WWOX: variants seen among roughly 807,000 people sequenced by gnomAD.
WWOX encodes WW domain-containing oxidoreductase.
WWOX carries 69 observed loss-of-function variants against 46.2 expected under a neutral mutation model. That is an observed-to-expected ratio of 1.49 (90% CI 1.23 to 1.82). The LOEUF is 1.82. Among genes scored for constraint, WWOX ranks in the 40% most tolerant of loss-of-function variants. The probability of loss-of-function intolerance (pLI) is 0.00; values close to 1 mark genes in which losing one functional copy is unlikely to be tolerated. For missense variants in WWOX, 919 were observed against 542.6 expected (o/e 1.69, Z -6.89); for synonymous variants, 359 against 202.6 (o/e 1.77, Z -6.56).
chr16:78,222,416 C>G (rs557755159), intron 5 of WWOX, among the ~76,000 whole-genome samples: 1 of 151,638 alleles, frequency 6.6e-6, no homozygotes, highest in South Asian at 2.1e-4. Flanking sequence ...GTGCCCACAG[C>G]CTTTCATGTC....
chr16:78,729,427 T>C (rs1695146717), intron 8 of WWOX, among the ~76,000 whole-genome samples: 1 of 152,024 alleles, frequency 6.6e-6, no homozygotes, highest in African/African-American at 2.4e-5. Context: ...ATGCCCTTAC[T>C]TGGAAAAAGT....
chr16:78,947,249 A>T (rs948409346), intron 8 of WWOX, among the ~76,000 whole-genome samples: 1 of 152,160 alleles, frequency 6.6e-6, no homozygotes, highest in Non-Finnish European at 1.5e-5. Context: ...GCTAAATGTT[A>T]TATTTTCTCA....
At chr16:78,494,759 A>G (rs945050969) in intron 8 of WWOX, among the ~76,000 whole-genome samples, 2 of 152,132 alleles carry the variant, frequency 1.3e-5, no homozygotes, top group African/African-American at 2.4e-5. Context: ...CGTTTTGTCA[A>G]TTAGCTCCTC....
intron 8 of WWOX, among the ~76,000 whole-genome samples, chr16:78,791,896 C>A (rs565379612): frequency 6.6e-6 from 1 of 152,078 alleles, no homozygotes; most frequent in Non-Finnish European, 1.5e-5. Flanking sequence ...ACAACAACAA[C>A]AACAACAAAC....
intron 8 of WWOX, among the ~76,000 whole-genome samples, chr16:78,922,808 G>C (rs2045409316): frequency 6.6e-6 from 1 of 152,170 alleles, no homozygotes; most frequent in African/African-American, 2.4e-5. Flanking sequence ...TAAAGGAACT[G>C]GAGCTTGGGG....
At chr16:78,796,472 G>T (rs962801826) in intron 8 of WWOX, among the ~76,000 whole-genome samples, 2 of 152,258 alleles carry the variant, frequency 1.3e-5, no homozygotes, top group African/African-American at 4.8e-5. Flanking sequence ...AACTGCAAGG[G>T]ATTCTGGGAA....
intron 5 of WWOX, among the ~76,000 whole-genome samples, chr16:78,289,518 T>G (rs2079825980): frequency 6.6e-6 from 1 of 152,176 alleles, no homozygotes. Context: ...ACCCTGTAAC[T>G]TGGATCCAGC....
rs1442603692 is a variant in WWOX, at chr16:78,338,726, G to T, written c.517-48134G>T. Among the ~76,000 whole-genome samples the T allele has an allele frequency of 2.5e-5, 3 of 121,240 alleles. 1 individual carries two copies. The highest frequency in any genetic ancestry group is 8.4e-5 in the African/African-American group (3 of 35,908). 79.5% of individuals were successfully genotyped at this position (121,240 alleles called of 152,430 possible). On this transcript the variant is annotated intron_variant, in intron 5 of 8. Coordinates refer to ENST00000566780, the MANE Select transcript of WWOX (RefSeq NM_016373.4). ...AAGCCTAATATGTGATTGTCTACAT[G>T]TTTACAAGTTACCGCCTTTTTATTT... is the stretch of plus-strand genomic sequence containing the variant.
At chr16:78,649,131 G>A (rs1882955) in intron 8 of WWOX, among the ~76,000 whole-genome samples, 2 of 151,970 alleles carry the variant, frequency 1.3e-5, no homozygotes, top group Non-Finnish European at 2.9e-5. Context: ...CCACCACCAA[G>A]CCCAGCTAAT....
rs16948403 is a variant in WWOX at position 78,737,865 on chromosome 16, T to G, written c.1056+305113T>G. ...GGTGGTTTGTCCTTGGGCCACTTTA[T>G]TCCCTCACCGATCCCTTCCAAAGGC... On this transcript the variant is annotated intron_variant, in intron 8 of 8. Coordinates refer to ENST00000566780, the MANE Select transcript of WWOX (RefSeq NM_016373.4). Among the ~76,000 whole-genome samples the G allele has an allele frequency of 9.1e-3, 1,392 of 152,240 alleles. 22 individuals are homozygous for G. Among genetic ancestry groups the G allele is most frequent in the African/African-American group, 0.032 (1,334 of 41,546 alleles).
intron 5 of WWOX, among the ~76,000 whole-genome samples, chr16:78,273,910 G>A (rs915582692): frequency 6.6e-6 from 1 of 152,142 alleles, no homozygotes; most frequent in Non-Finnish European, 1.5e-5. Flanking sequence ...TCATCCATTG[G>A]CACCTGGATT....
chr16:78,477,375 T>G (rs2084376091), intron 8 of WWOX, among the ~76,000 whole-genome samples: 1 of 152,180 alleles, frequency 6.6e-6, no homozygotes, highest in African/African-American at 2.4e-5. Flanking sequence ...GGTTCTACTT[T>G]TTTTTTAATT....
intron 8 of WWOX, among the ~76,000 whole-genome samples, chr16:78,927,418 T>A (rs1372269171): frequency 1.3e-5 from 2 of 152,204 alleles, no homozygotes; most frequent in African/African-American, 4.8e-5. Flanking sequence ...GTTATTACCA[T>A]GTGTCTGTCT....
In WWOX at chr16:78,539,801, A is replaced by C. The variant is rs149614865; in HGVS notation, c.1056+107049A>C. ...TAACACCAGCAATGATGCCCAGAGC[A>C]TTTATCTTTGATGCTGGGAATGCGT... On this transcript the variant is annotated intron_variant, in intron 8 of 8. Transcript: ENST00000566780. Among the ~76,000 whole-genome samples the C allele has an allele frequency of 5.6e-3, 849 of 152,294 alleles. 1 individual carries two copies. The highest frequency in any genetic ancestry group is 0.017 in the Middle Eastern group (5 of 294).
chr16:78,855,551 C>A (rs548603806), intron 8 of WWOX, among the ~76,000 whole-genome samples: 1 of 152,230 alleles, frequency 6.6e-6, no homozygotes, highest in African/African-American at 2.4e-5. Flanking sequence ...ATAAAATTTC[C>A]CCAAGCACTT....
intron 5 of WWOX, among the ~76,000 whole-genome samples, chr16:78,366,407 T>C (rs915869060): frequency 1.3e-5 from 2 of 152,180 alleles, no homozygotes. Flanking sequence ...TTTCATCAAA[T>C]AGTGGGTGAT....
intron 5 of WWOX, among the ~76,000 whole-genome samples, chr16:78,323,607 C>T (rs2080539801): frequency 6.6e-6 from 1 of 152,118 alleles, no homozygotes; most frequent in African/African-American, 2.4e-5. Context: ...GTGAATCATG[C>T]CCACTATTTG....
chr16:78,142,786 A>G (rs1312628475), intron 4 of WWOX, among the ~76,000 whole-genome samples: 3 of 151,772 alleles, frequency 2.0e-5, no homozygotes, highest in African/African-American at 7.3e-5. Flanking sequence ...ACTTATTTAA[A>G]CAAGATAGAG....
intron 5 of WWOX, among the ~76,000 whole-genome samples, chr16:78,271,114 T>A (rs1188697872): frequency 6.6e-6 from 1 of 152,258 alleles, no homozygotes; most frequent in Admixed American, 6.5e-5. Context: ...CTTTAAATTG[T>A]GTTTTTAAGT....
Sources: gnomAD v4.1 joint callset for allele counts (sites outside exome capture counted in the v4.1 genomes callset) on GRCh38, gnomAD v4.1.1 for gene constraint, MANE v1.5 for transcripts, NCBI Gene and HGNC (gene_info 2026-07-23, HGNC 2026-07-21) for gene names.